Variants in PCDHGA1 observed in about 807,000 individuals in gnomAD.
PCDHGA1 encodes protocadherin gamma-A1.
Under a neutral mutation model 58.0 loss-of-function variants are expected in PCDHGA1, and 32 were observed. The ratio of observed to expected loss-of-function variants is 0.55; its 90% CI spans 0.42 to 0.74. The LOEUF is 0.74. PCDHGA1 is among the 30% of genes least tolerant of loss of function. PCDHGA1 has a pLI of 0.00. For synonymous variants in PCDHGA1, 498 were observed against 501.1 expected (o/e 0.99, Z 0.08); for missense variants, 1,205 against 1,182.3 (o/e 1.02, Z -0.28).
At chr5:141,389,236 C>G (rs1360916753) in intron 1 of PCDHGA1, 1 of 1,614,054 alleles carries the variant, frequency 6.2e-7, no homozygotes, top group Non-Finnish European at 8.5e-7. Context: ...CCGGTTTTCT[C>G]ACAGTCTTCC....
At chr5:141,390,830 G>A in intron 1 of PCDHGA1, 1 of 164,036 alleles carries the variant, frequency 6.1e-6, no homozygotes, top group Non-Finnish European at 1.3e-5. Flanking sequence ...TATGTCCATG[G>A]ACCCCTTGTG....
At chr5:141,414,244 T>A in intron 1 of PCDHGA1, 1 of 1,613,526 alleles carries the variant, frequency 6.2e-7, no homozygotes, top group Admixed American at 1.7e-5. Context: ...CACGTCTCTA[T>A]TTAGTCCAGT....
intron 1 of PCDHGA1, among the ~76,000 whole-genome samples, chr5:141,461,001 A>G (rs1309762345): frequency 4.0e-5 from 6 of 150,320 alleles, no homozygotes; most frequent in South Asian, 4.2e-4. Context: ...ATATATGTGT[A>G]TATATATATA....
chr5:141,372,309 C>T lies in PCDHGA1; in HGVS notation c.2421+39204C>T, dbSNP rs950315336. On this transcript the variant is annotated intron_variant, in intron 1 of 3. Transcript: ENST00000517417. ...TACCTTGGGCGACAGGGAGGCCGCC[C>T]GCCAGCGCCTGCTGGTCACTGTGCG... 2 of 1,613,400 alleles carry T rather than the reference C, an allele frequency of 1.2e-6. No homozygotes were observed. The highest frequency in any genetic ancestry group is 2.2e-5 in the East Asian group (1 of 44,894).
Position 141,331,549 on chromosome 5 carries a change from G to A in PCDHGA1, c.865G>A (p.Ala289Thr), listed in dbSNP as rs1561471342. Reference sequence around the variant, plus strand: ...CTTTCACAATGTAGACCACAGAGTGGCCCAAATATTTCGTTTAGATTCTTA... The same window carrying A: ...CTTTCACAATGTAGACCACAGAGTGACCCAAATATTTCGTTTAGATTCTTA... Reference protein sequence around the residue: ...YSFHNVDHRVAQIFRLDSYTG... With the variant: ...YSFHNVDHRVTQIFRLDSYTG... The change falls in exon 1 of 4, where the codon GCC (alanine) becomes ACC (threonine). Residue 289 changes from alanine to threonine, a missense_variant. By Grantham distance (58) the Ala-to-Thr change is moderately conservative (BLOSUM62 0). Transcript: ENST00000517417. 3.7e-6 allele frequency: 6 copies of A among 1,614,094 alleles called. No homozygotes were observed. The highest frequency in any genetic ancestry group is 5.1e-6 in the Non-Finnish European group (6 of 1,180,034).
intron 1 of PCDHGA1, chr5:141,360,677 C>T: frequency 1.2e-6 from 2 of 1,613,980 alleles, no homozygotes; most frequent in South Asian, 1.1e-5. Flanking sequence ...TTTGATCTCG[C>T]TGAGAAACAG....
rs983317324 is a variant in PCDHGA1, at chr5:141,431,891, G to A, written c.2422-62916G>A. The stretch of plus-strand genomic sequence containing the variant: ...AAATGTAAATGACCAAGATTCTGAG[G>A]AAAACGGACAGGTGATCTGTTTCAT... On this transcript the variant is annotated intron_variant, in intron 1 of 3. Transcript: ENST00000517417. The surrounding 1 kb of genome is among the most constrained non-coding windows in gnomAD (Gnocchi z 4.8). 16 of 1,614,072 alleles carry A rather than the reference G, an allele frequency of 9.9e-6. No homozygotes were observed. The highest frequency in any genetic ancestry group is 2.7e-5 in the African/African-American group (2 of 74,934).
chr5:141,453,333 A>T (rs181261279), intron 1 of PCDHGA1, among the ~76,000 whole-genome samples: 3 of 151,914 alleles, frequency 2.0e-5, no homozygotes, highest in Admixed American at 1.3e-4. Context: ...GGGTCTCACT[A>T]TGTTTCCCCA....
chr5:141,444,965 A>C (rs561160996), intron 1 of PCDHGA1, among the ~76,000 whole-genome samples: 18 of 152,234 alleles, frequency 1.2e-4, no homozygotes, highest in South Asian at 6.2e-4. Context: ...CAATATTGAC[A>C]CTTCAAATCC....
intron 2 of PCDHGA1, among the ~76,000 whole-genome samples, chr5:141,499,800 C>A (rs2099794584): frequency 6.6e-6 from 1 of 150,704 alleles, no homozygotes; most frequent in Admixed American, 6.7e-5. Context: ...AATTCTCATG[C>A]TTCAGCCTCC....
intron 2 of PCDHGA1, among the ~76,000 whole-genome samples, chr5:141,503,292 A>T (rs7710319): frequency 0.52 from 78,681 of 151,966 alleles, 21,044 homozygotes; most frequent in African/African-American, 0.62. Flanking sequence ...TGGTACATAG[A>T]AATTGCTCAA....
intron 1 of PCDHGA1, chr5:141,403,323 C>G: frequency 6.2e-7 from 1 of 1,613,958 alleles, no homozygotes; most frequent in Non-Finnish European, 8.5e-7. Flanking sequence ...ATAGAAGTAA[C>G]TGATATTAAC....
At chr5:141,419,325 A>C in intron 1 of PCDHGA1, 1 of 1,613,702 alleles carries the variant, frequency 6.2e-7, no homozygotes, top group African/African-American at 1.3e-5. Flanking sequence ...CGTGTCTCCT[A>C]CTCTCTCATT....
At chr5:141,445,900 T>C (rs2098480876) in intron 1 of PCDHGA1, among the ~76,000 whole-genome samples, 1 of 152,224 alleles carries the variant, frequency 6.6e-6, no homozygotes, top group African/African-American at 2.4e-5. Flanking sequence ...TATTAAAATA[T>C]TTTAAACAAG....
At chr5:141,434,535 A>G (rs939961995) in intron 1 of PCDHGA1, among the ~76,000 whole-genome samples, 1 of 152,230 alleles carries the variant, frequency 6.6e-6, no homozygotes, top group African/African-American at 2.4e-5. Flanking sequence ...ACCACAAACA[A>G]TAGCATGAGT....
rs377701820 is a variant in PCDHGA1 at position 141,422,031 on chromosome 5, G to A, written c.2422-72776G>A. On this transcript the variant is annotated intron_variant, in intron 1 of 3. Coordinates refer to ENST00000517417, the MANE Select transcript of PCDHGA1 (RefSeq NM_018912.3). ...CTCGGGTGCTGATGGTTAATGCAAC[G>A]GATCCAGACGAGGGAATCAACGGGG... 127 of 1,610,494 alleles carry A rather than the reference G, an allele frequency of 7.9e-5. No individual in the cohort carries two copies. In the East Asian group the frequency reaches 2.4e-3, roughly 31 times the overall value.
At chr5:141,403,772 A>G in intron 1 of PCDHGA1, 1 of 1,613,960 alleles carries the variant, frequency 6.2e-7, no homozygotes, top group Middle Eastern at 1.7e-4. Flanking sequence ...TGAGGGAATC[A>G]ACGGAAAAGT....
intron 1 of PCDHGA1, chr5:141,440,564 A>T (rs531383065): frequency 1.3e-5 from 2 of 152,248 alleles, no homozygotes; most frequent in Non-Finnish European, 2.9e-5. Context: ...TAAGTTACGT[A>T]TCTCTGAGTT....
intron 1 of PCDHGA1, among the ~76,000 whole-genome samples, chr5:141,461,004 T>C (rs2099006736): frequency 6.6e-6 from 1 of 151,664 alleles, no homozygotes; most frequent in Non-Finnish European, 1.5e-5. Context: ...TATGTGTATA[T>C]ATATATACCA....
Sources: gnomAD v4.1 joint callset for allele counts (sites outside exome capture counted in the v4.1 genomes callset) on GRCh38, gnomAD v4.1.1 for gene constraint, Gnocchi (gnomAD v3.1) non-coding constraint, MANE v1.5 for transcripts, NCBI Gene and HGNC (gene_info 2026-07-23, HGNC 2026-07-21) for gene names.